AGL: variants seen among roughly 807,000 people sequenced by gnomAD.
The protein encoded by AGL is glycogen debranching enzyme.
A neutral mutation model predicts 199.3 loss-of-function variants in AGL; 128 were observed. The observed-to-expected ratio is 0.64, with a 90% CI of 0.56 to 0.74. The LOEUF (loss-of-function observed/expected upper bound fraction) is 0.74. AGL is among the 30% of genes least tolerant of loss of function. The pLI is 0.00. For synonymous variants in AGL, 584 were observed against 594.7 expected, an observed-to-expected ratio of 0.98 and a Z score of 0.26; for missense variants, 1,809 against 1,820.8, an observed-to-expected ratio of 0.99 and a Z score of 0.12.
chr1:99,900,904 T>TTTG lies in AGL; in HGVS notation c.3588+44_3588+45insTGT. 4 of 1,118,798 alleles carry TTTG rather than the reference T, an allele frequency of 3.6e-6. No individual in the cohort carries two copies. The South Asian group carries it at 5.4e-5, about 15-fold the overall frequency. 69.3% of individuals were successfully genotyped at this position (1,118,798 alleles called of 1,614,324 possible). A position where few individuals can be genotyped will look rare whatever the true frequency, so the allele number is the denominator to read the frequency against. Reference sequence around the variant, plus strand: ...AATGTTTTTTTGTTTTTTTTTTTTTTTCTGAAAAATGACTTTTAGTTTCTA... The same window carrying TTTG: ...AATGTTTTTTTGTTTTTTTTTTTTTTTTGTCTGAAAAATGACTTTTAGTTTCTA... On this transcript the variant is annotated intron_variant, in intron 26 of 33. Transcript: ENST00000361915.
chr1:99,895,239 G>T (rs113136913), intron 24 of AGL, among the ~76,000 whole-genome samples: 8 of 152,154 alleles, frequency 5.3e-5, no homozygotes, highest in African/African-American at 1.9e-4. Context: ...TAGTGGAGAT[G>T]GGGTTTCACC....
At chr1:99,872,550 G>A (rs187784786) in intron 7 of AGL, among the ~76,000 whole-genome samples, 2 of 143,960 alleles carry the variant, frequency 1.4e-5, no homozygotes, top group African/African-American at 2.6e-5. Context: ...TTTTTTTTGA[G>A]ACTGAGTCTC....
At chr1:99,857,893 T>C (rs1279548278) in intron 2 of AGL, among the ~76,000 whole-genome samples, 1 of 135,658 alleles carries the variant, frequency 7.4e-6, no homozygotes, top group Non-Finnish European at 1.6e-5. Context: ...CTACCTGTTT[T>C]AGTTTTTTAA....
In AGL at chr1:99,881,639, G is replaced by T. The variant is rs1652039564; in HGVS notation, c.2256G>T (p.Arg752Ser). Residue 752 changes from arginine to serine, a missense_variant, in exon 17 of 34, where the codon AGG becomes AGT. Arg to Ser is a moderately radical substitution (Grantham distance 110, BLOSUM62 -1). Coordinates refer to ENST00000361915, the MANE Select transcript of AGL (RefSeq NM_000642.3). Reference protein sequence around the residue: ...SVVAVSRTAFRNPKTSFYSKE... With the variant: ...SVVAVSRTAFSNPKTSFYSKE... The stretch of plus-strand genomic sequence containing the variant: ...TGGCTGTATCTAGAACTGCTTTCAG[G>T]AATCCCAAGACTTCATTTTACAGCA... 6.2e-7 allele frequency: 1 copy of T among 1,613,762 alleles called. No homozygotes were observed. Among genetic ancestry groups the T allele is most frequent in the Non-Finnish European group, 8.5e-7 (1 of 1,179,928 alleles).
chr1:99,884,088 A>C, intron 17 of AGL, 32 bp from the exon 18 acceptor site: 2 of 1,581,802 alleles, frequency 1.3e-6, no homozygotes, highest in South Asian at 1.1e-5. Context: ...TTCCATATGA[A>C]ATTTTGTTAA....
At chr1:99,852,779 T>A in intron 2 of AGL, 1 of 775,372 alleles carries the variant, frequency 1.3e-6, no homozygotes, top group East Asian at 2.4e-5. Flanking sequence ...ACATGAATTT[T>A]TTGTGATAAA....
intron 27 of AGL, among the ~76,000 whole-genome samples, chr1:99,907,693 G>GTTTTGTTTTTTTTTT (rs1553191717): frequency 1.7e-5 from 2 of 118,944 alleles, no homozygotes; most frequent in Non-Finnish European, 3.6e-5. Context: ...TTTGTTTTTT[G>GTTTTGTTTTTTTTTT]TTTTTTTTGC....
intron 14 of AGL, 73 bp from the exon 15 acceptor site, chr1:99,881,003 T>A: frequency 7.4e-7 from 1 of 1,349,064 alleles, no homozygotes; most frequent in Non-Finnish European, 1.1e-6. Context: ...ATCCTTTTAC[T>A]TCATTATGCT....
chr1:99,916,468 G>C lies in AGL; in HGVS notation c.4318G>C (p.Ala1440Pro). Residue 1440 changes from alanine to proline, a missense_variant, in exon 32 of 34, where the codon GCT (alanine) becomes CCT (proline). By Grantham distance (27) the Ala-to-Pro change is conservative (BLOSUM62 -1). Coordinates refer to ENST00000361915, the MANE Select transcript of AGL (RefSeq NM_000642.3). ...NALDNDNYNLAKGFNYHQGPE... is the reference protein window; with the variant it reads ...NALDNDNYNLPKGFNYHQGPE... Reference sequence around the variant, plus strand: ...ATTAGACAATGACAACTACAATCTTGCTAAAGGTTTCAATTATCACCAAGG... The same window carrying C: ...ATTAGACAATGACAACTACAATCTTCCTAAAGGTTTCAATTATCACCAAGG... The C allele has an allele frequency of 6.2e-7, 1 of 1,612,514 alleles. No homozygotes were observed. Among genetic ancestry groups the C allele is most frequent in the Non-Finnish European group, 8.5e-7 (1 of 1,179,082 alleles).
intron 4 of AGL, among the ~76,000 whole-genome samples, chr1:99,863,159 C>G (rs1650209011): frequency 6.6e-6 from 1 of 152,058 alleles, no homozygotes; most frequent in Admixed American, 6.6e-5. Context: ...AGGCTGGTCT[C>G]AAACTTCTGA....
chr1:99,897,502 T>C (rs1653429450), intron 25 of AGL, among the ~76,000 whole-genome samples: 1 of 152,262 alleles, frequency 6.6e-6, no homozygotes, highest in African/African-American at 2.4e-5. Flanking sequence ...ATTTTATTTT[T>C]GATACTTTTA....
chr1:99,902,891 C>T (rs1007953742), intron 27 of AGL, 97 bp downstream of exon 27: 31 of 892,596 alleles, frequency 3.5e-5, no homozygotes, highest in African/African-American at 3.2e-4. Flanking sequence ...CCAAACCTCA[C>T]GATATAATGA....
At chr1:99,900,149 C>CT (rs1376955424) in intron 25 of AGL, among the ~76,000 whole-genome samples, 1 of 152,028 alleles carries the variant, frequency 6.6e-6, no homozygotes, top group Non-Finnish European at 1.5e-5. Flanking sequence ...AGGCTGGTCT[C>CT]AAACTCCTGA....
chr1:99,917,412 A>G (rs1390860626), intron 33 of AGL, among the ~76,000 whole-genome samples: 1 of 152,212 alleles, frequency 6.6e-6, no homozygotes, highest in Non-Finnish European at 1.5e-5. Flanking sequence ...GGTTGTCACC[A>G]TGGTACAGAT....
chr1:99,859,684 A>G (rs1256560744), intron 2 of AGL, among the ~76,000 whole-genome samples: 5 of 152,118 alleles, frequency 3.3e-5, no homozygotes, highest in Non-Finnish European at 5.9e-5. Flanking sequence ...AGTTGGGATT[A>G]CAGGTGCACA....
intron 23 of AGL, among the ~76,000 whole-genome samples, chr1:99,891,983 G>A (rs1271318190): frequency 1.3e-5 from 2 of 152,010 alleles, no homozygotes; most frequent in Middle Eastern, 3.2e-3. Context: ...GTTTTATATT[G>A]TTTCTATGTA....
chr1:99,869,092 T>C (rs1157036539), intron 5 of AGL, among the ~76,000 whole-genome samples: 2 of 152,204 alleles, frequency 1.3e-5, no homozygotes, highest in East Asian at 1.9e-4. Context: ...CCCAAAGTGC[T>C]GAGATTACAG....
chr1:99,910,901 T>C (rs1654710117), intron 28 of AGL, 54 bp downstream of exon 28: 7 of 1,552,124 alleles, frequency 4.5e-6, no homozygotes, highest in Non-Finnish European at 6.2e-6. Context: ...AGAAAGCACT[T>C]ACTTGTGGAA....
intron 17 of AGL, among the ~76,000 whole-genome samples, chr1:99,882,384 C>T (rs1253127162): frequency 6.6e-6 from 1 of 152,094 alleles, no homozygotes; most frequent in East Asian, 1.9e-4. Flanking sequence ...TATGCACAAA[C>T]ATACATACAA....
Sources: gnomAD v4.1 joint callset for allele counts (sites outside exome capture counted in the v4.1 genomes callset) on GRCh38, gnomAD v4.1.1 for gene constraint, MANE v1.5 for transcripts, NCBI Gene and HGNC (gene_info 2026-07-23, HGNC 2026-07-21) for gene names.